Variants in MACROD1 observed in about 807,000 individuals in gnomAD.
The protein encoded by MACROD1 is mono-ADP ribosylhydrolase 1.
Under a neutral mutation model 41.4 loss-of-function variants are expected in MACROD1, and 31 were observed. The ratio of observed to expected loss-of-function variants is 0.75; its 90% CI spans 0.56 to 1.01. The LOEUF (loss-of-function observed/expected upper bound fraction) is 1.01. Among genes scored for constraint, MACROD1 ranks in the 50% least tolerant of loss-of-function variants. MACROD1 has a pLI of 0.00. For synonymous variants in MACROD1, 252 were observed against 203.4 expected (o/e 1.24, Z -2.03); for missense variants, 473 against 460.0 (o/e 1.03, Z -0.26).
chr11:64,142,933 T>C (rs1945433972), intron 3 of MACROD1, among the ~76,000 whole-genome samples: 1 of 151,942 alleles, frequency 6.6e-6, no homozygotes, highest in South Asian at 2.1e-4. Context: ...CTGGGCAACA[T>C]GGCGAGACCT....
rs1431197044 is a variant in MACROD1, at chr11:64,110,725, G to A, written c.517+40514C>T. On this transcript the variant is annotated intron_variant, in intron 3 of 10. Transcript: ENST00000255681. ...AGGTCGTAACTCACACCACGCTGAAGTCTGAGGGATCCACGCAAGGGCGAC... is the reference window on the plus strand; with the variant it reads ...AGGTCGTAACTCACACCACGCTGAAATCTGAGGGATCCACGCAAGGGCGAC... 2.6e-5 allele frequency among the ~76,000 whole-genome samples: 4 copies of A among 152,230 alleles called. No homozygotes were observed. In the East Asian group the frequency reaches 7.7e-4, roughly 29 times the overall value.
intron 3 of MACROD1, among the ~76,000 whole-genome samples, chr11:64,101,462 G>A (rs1944669222): frequency 6.6e-6 from 1 of 152,016 alleles, no homozygotes; most frequent in Non-Finnish European, 1.5e-5. Flanking sequence ...GGCCACAGCT[G>A]ACTGGAGCCT....
chr11:64,157,686 GGCGAATGGGAATTCAAT>G (rs1039071917), intron 1 of MACROD1, among the ~76,000 whole-genome samples: 14 of 152,164 alleles, frequency 9.2e-5, no homozygotes, highest in Non-Finnish European at 2.1e-4. Context: ...AAGTGCAGCG[GGCGAATGGGAATTCAAT>G]GCTGTGTTTT....
intron 3 of MACROD1, among the ~76,000 whole-genome samples, chr11:64,094,338 A>G (rs555498077): frequency 1.3e-5 from 2 of 152,176 alleles, no homozygotes; most frequent in East Asian, 3.9e-4. Context: ...AGGCTGAGGC[A>G]GATAATTGCT....
At chr11:64,063,092 G>GTGGAAACTT (rs1228221520) in intron 3 of MACROD1, among the ~76,000 whole-genome samples, 1 of 152,190 alleles carries the variant, frequency 6.6e-6, no homozygotes, top group Non-Finnish European at 1.5e-5. Context: ...CTCCATATGA[G>GTGGAAACTT]TGGAAACTTC....
intron 3 of MACROD1, among the ~76,000 whole-genome samples, chr11:64,134,999 C>A (rs1005495943): frequency 2.0e-5 from 3 of 152,196 alleles, no homozygotes; most frequent in Non-Finnish European, 4.4e-5. Context: ...CTGCCCCCTG[C>A]CTGGCTCCCG....
intron 3 of MACROD1, among the ~76,000 whole-genome samples, chr11:64,059,522 G>C (rs948391620): frequency 7.9e-5 from 12 of 152,180 alleles, no homozygotes; most frequent in Admixed American, 6.5e-5. Context: ...AGGCCCCCCA[G>C]GCCATCCCTG....
intron 3 of MACROD1, among the ~76,000 whole-genome samples, chr11:64,030,694 A>G (rs1943282805): frequency 6.6e-6 from 1 of 152,172 alleles, no homozygotes; most frequent in Non-Finnish European, 1.5e-5. Context: ...GCAATCACCA[A>G]CGAGCTGAGT....
chr11:63,998,864 A>C lies in MACROD1; in HGVS notation c.*4T>G. On this transcript the variant is annotated 3_prime_UTR_variant, in exon 10 of 11. Coordinates refer to ENST00000255681, the MANE Select transcript of MACROD1 (RefSeq NM_014067.4). ...AGTCCCGGTCAGGGTGGGCTGCGGGAGCCTCAGGCTGGAAGGCAGAGGACA... is the reference window on the plus strand; with the variant it reads ...AGTCCCGGTCAGGGTGGGCTGCGGGCGCCTCAGGCTGGAAGGCAGAGGACA... 6.3e-7 allele frequency: 1 copy of C among 1,592,332 alleles called. No individual in the cohort carries two copies.
At position 64,151,357 on chromosome 11, in the gene MACROD1, T is replaced by A; in HGVS notation, c.401-2A>T. 6.2e-7 allele frequency: 1 copy of A among 1,610,380 alleles called. No homozygotes were observed. Among genetic ancestry groups the A allele is most frequent in the Non-Finnish European group, 8.5e-7 (1 of 1,177,446 alleles). On this transcript the variant is annotated splice_acceptor_variant, in intron 2 of 10. Coordinates refer to ENST00000255681, the MANE Select transcript of MACROD1 (RefSeq NM_014067.4). LOFTEE classifies it high-confidence loss of function. ...GCTCCTCCACCTTCACAGCCACCCC[T>A]GGAACAAGTAGGGGCCGGGGAGGTC... is the stretch of plus-strand genomic sequence containing the variant.
chr11:64,087,465 C>T (rs1461922612), intron 3 of MACROD1, among the ~76,000 whole-genome samples: 2 of 152,234 alleles, frequency 1.3e-5, no homozygotes, highest in African/African-American at 4.8e-5. Flanking sequence ...GGGAACCAGA[C>T]TGGGCAGGGT....
intron 4 of MACROD1, among the ~76,000 whole-genome samples, chr11:64,011,990 C>T (rs1943022672): frequency 6.6e-6 from 1 of 152,116 alleles, no homozygotes; most frequent in South Asian, 2.1e-4. Context: ...CCTACCACAG[C>T]CCCCTCCCCA....
At chr11:64,034,588 C>T (rs372486126) in intron 3 of MACROD1, among the ~76,000 whole-genome samples, 4 of 152,140 alleles carry the variant, frequency 2.6e-5, no homozygotes, top group Admixed American at 6.5e-5. Context: ...AGTCTGTTCC[C>T]GGACTGGGCG....
At chr11:64,137,688 G>A (rs972408528) in intron 3 of MACROD1, among the ~76,000 whole-genome samples, 14 of 152,046 alleles carry the variant, frequency 9.2e-5, no homozygotes, top group African/African-American at 3.1e-4. Flanking sequence ...GTAGTTCCTC[G>A]GAAGGCCACA....
intron 3 of MACROD1, chr11:64,081,712 C>G (rs1169408288): frequency 3.3e-5 from 5 of 152,102 alleles, no homozygotes. Flanking sequence ...GTGGCTGAAG[C>G]CTGTTCCTGC....
chr11:64,018,078 G>A (rs1032028136), intron 3 of MACROD1, among the ~76,000 whole-genome samples: 9 of 152,184 alleles, frequency 5.9e-5, no homozygotes, highest in African/African-American at 9.7e-5. Context: ...TGGGGGCAGA[G>A]GGAAGACTTT....
At chr11:64,062,995 C>T (rs750537205) in intron 3 of MACROD1, among the ~76,000 whole-genome samples, 1 of 152,212 alleles carries the variant, frequency 6.6e-6, no homozygotes, top group Non-Finnish European at 1.5e-5. Context: ...GACAGGGCTC[C>T]CGGCCCATCT....
chr11:64,122,997 G>A lies in MACROD1; in HGVS notation c.517+28242C>T, dbSNP rs1053307988. On this transcript the variant is annotated intron_variant, in intron 3 of 10. Coordinates refer to ENST00000255681, the MANE Select transcript of MACROD1 (RefSeq NM_014067.4). This position sits in a 1 kb window ranked among gnomAD's most constrained non-coding sequence, Gnocchi z 4.0. ...TTCAGAAACCTGCTTCCTGCTGAACGTGCCAGAGAGGAGGCTGGGGCTTCT... is the reference window on the plus strand; with the variant it reads ...TTCAGAAACCTGCTTCCTGCTGAACATGCCAGAGAGGAGGCTGGGGCTTCT... Among the ~76,000 whole-genome samples the A allele has an allele frequency of 6.6e-5, 10 of 152,240 alleles. No individual in the cohort carries two copies. The highest frequency in any genetic ancestry group is 1.2e-4 in the Non-Finnish European group (8 of 68,046).
chr11:64,026,703 A>C (rs571832323), intron 3 of MACROD1, among the ~76,000 whole-genome samples: 2 of 152,064 alleles, frequency 1.3e-5, no homozygotes, highest in Non-Finnish European at 2.9e-5. Flanking sequence ...GCTGTACCCC[A>C]CACCCCTCCC....
Sources: gnomAD v4.1 joint callset for allele counts (sites outside exome capture counted in the v4.1 genomes callset) on GRCh38, gnomAD v4.1.1 for gene constraint, Gnocchi (gnomAD v3.1) non-coding constraint, MANE v1.5 for transcripts, NCBI Gene and HGNC (gene_info 2026-07-23, HGNC 2026-07-21) for gene names.